PTPRF: variants seen among roughly 807,000 people sequenced by gnomAD.
PTPRF encodes receptor-type tyrosine-protein phosphatase F.
PTPRF carries 59 observed loss-of-function variants against 201.8 expected under a neutral mutation model. The ratio of observed to expected loss-of-function variants is 0.29; its 90% CI spans 0.24 to 0.36. The LOEUF (loss-of-function observed/expected upper bound fraction) is 0.36, where lower values mean the gene tolerates loss of function less well. Ranked by LOEUF, PTPRF falls within the 10% of genes least tolerant of loss-of-function variation. PTPRF has a pLI of 1.00. For missense variants in PTPRF, 2,132 were observed against 2,690.5 expected, an observed-to-expected ratio of 0.79 and a Z score of 4.59; for synonymous variants, 1,088 against 1,089.7, an observed-to-expected ratio of 1.00 and a Z score of 0.03.
chr1:43,620,077 G>A lies in PTPRF; in HGVS notation c.5112-18G>A. 6.2e-7 allele frequency: 1 copy of A among 1,613,838 alleles called. No individual in the cohort carries two copies. ...GGCAGCAGCACCTCCAGCATGTCCA[G>A]TCTTATGTCCACCCCAGACAGCAGA... On this transcript the variant is annotated intron_variant, in intron 29 of 33. Coordinates refer to ENST00000359947, the MANE Select transcript of PTPRF (RefSeq NM_002840.5).
At position 43,602,567 on chromosome 1, in the gene PTPRF, TCAAG is replaced by T. The variant is rs550863400; in HGVS notation, c.2340+471_2340+474del. Among the ~76,000 whole-genome samples the T allele has an allele frequency of 2.7e-3, 412 of 152,246 alleles. 3 individuals are homozygous for T. The highest frequency in any genetic ancestry group is 9.7e-3 in the African/African-American group (401 of 41,542). ...GTGGTGGCAGCTGCAGGGGCCCCAC[TCAAG>T]GCCAGAGCTGGAGGGATACCAGGGT... On this transcript the variant is annotated intron_variant, in intron 14 of 33. Transcript: ENST00000359947.
At chr1:43,559,117 C>T (rs1048679289) in intron 5 of PTPRF, among the ~76,000 whole-genome samples, 2 of 152,164 alleles carry the variant, frequency 1.3e-5, no homozygotes, top group African/African-American at 4.8e-5. Context: ...GTGCACTGTT[C>T]GTGTGGTGTG....
Position 43,622,446 on chromosome 1 carries a change from G to T in PTPRF, c.*443G>T, listed in dbSNP as rs867714450. ...TAGGGGTTGGGGTTTATTTTGTTTTGTTTTTTTTTTTCTTGAGTTCACTTT... is the reference window on the plus strand; with the variant it reads ...TAGGGGTTGGGGTTTATTTTGTTTTTTTTTTTTTTTTCTTGAGTTCACTTT... On this transcript the variant is annotated 3_prime_UTR_variant, in exon 34 of 34. Transcript: ENST00000359947. The T allele has an allele frequency of 2.3e-4, 35 of 151,724 alleles. No individual in the cohort carries two copies. Among genetic ancestry groups the T allele is most frequent in the Admixed American group, 4.0e-4 (6 of 15,074 alleles). The allele number at this position is 151,724 out of a possible 1,614,324, so 9.4% of individuals were successfully genotyped here.
chr1:43,570,766 C>T lies in PTPRF; in HGVS notation c.568+988C>T, dbSNP rs868169815. 2.6e-5 allele frequency among the ~76,000 whole-genome samples: 4 copies of T among 152,272 alleles called. No homozygotes were observed. The South Asian group carries it at 6.2e-4, about 24-fold the overall frequency. On this transcript the variant is annotated intron_variant, in intron 6 of 33. Coordinates refer to ENST00000359947, the MANE Select transcript of PTPRF (RefSeq NM_002840.5). Reference sequence around the variant, plus strand: ...CAGGGCAAGATTCTGGCCCCAGCCACGGCCGCCTGAGACAGCCCACGAAGT... The same window carrying T: ...CAGGGCAAGATTCTGGCCCCAGCCATGGCCGCCTGAGACAGCCCACGAAGT...
intron 5 of PTPRF, among the ~76,000 whole-genome samples, chr1:43,568,401 T>C (rs1646336149): frequency 6.6e-6 from 1 of 152,160 alleles, no homozygotes; most frequent in South Asian, 2.1e-4. Context: ...TCTCAATACC[T>C]GTCTGCCCCA....
At chr1:43,593,248 T>A (rs866431892) in intron 11 of PTPRF, among the ~76,000 whole-genome samples, 4 of 152,078 alleles carry the variant, frequency 2.6e-5, no homozygotes, top group South Asian at 2.1e-4. Context: ...GCTGTGGGAG[T>A]GGCACTGCCC....
chr1:43,605,549 T>C lies in PTPRF; in HGVS notation c.3410T>C (p.Val1137Ala), dbSNP rs1449609779. The C allele has an allele frequency of 6.2e-7, 1 of 1,613,968 alleles. No homozygotes were observed. Among genetic ancestry groups the C allele is most frequent in the Non-Finnish European group, 8.5e-7 (1 of 1,179,996 alleles). ...SLVRWFYIVV[V>A]PIDRVGGSML... ...CCCAGGTGGTTCTACATTGTTGTGGTGCCCATTGACCGTGTGGGCGGGAGC... is the reference window on the plus strand; with the variant it reads ...CCCAGGTGGTTCTACATTGTTGTGGCGCCCATTGACCGTGTGGGCGGGAGC... Residue 1137 changes from valine to alanine, a missense_variant, in exon 19 of 34, where the codon GTG becomes GCG. Physicochemically the swap from Val to Ala is moderately conservative, Grantham distance 64. Coordinates refer to ENST00000359947, the MANE Select transcript of PTPRF (RefSeq NM_002840.5).
intron 22 of PTPRF, among the ~76,000 whole-genome samples, chr1:43,611,482 AG>A (rs1656435273): frequency 6.6e-6 from 1 of 152,212 alleles, no homozygotes; most frequent in Admixed American, 6.5e-5. Flanking sequence ...CTGAGCCAAG[AG>A]AAGACTGGAG....
intron 3 of PTPRF, among the ~76,000 whole-genome samples, chr1:43,550,392 G>A (rs916818424): frequency 4.2e-5 from 6 of 143,986 alleles, no homozygotes; most frequent in East Asian, 2.4e-4. Flanking sequence ...CGGCCATTCC[G>A]GTTCAGCCGG....
At chr1:43,592,642 G>A (rs777258427) in intron 11 of PTPRF, 41 bp downstream of exon 11, 7 of 1,539,728 alleles carry the variant, frequency 4.5e-6, no homozygotes, top group Non-Finnish European at 6.1e-6. Flanking sequence ...CACCTGGGCT[G>A]GGACACACAC....
intron 5 of PTPRF, among the ~76,000 whole-genome samples, chr1:43,566,752 G>A (rs891094198): frequency 1.3e-5 from 2 of 152,092 alleles, no homozygotes; most frequent in African/African-American, 2.4e-5. Flanking sequence ...TTCCCTTCCC[G>A]GGTGGCAGAG....
intron 13 of PTPRF, among the ~76,000 whole-genome samples, chr1:43,599,650 G>A (rs1390860257): frequency 6.6e-6 from 1 of 152,214 alleles, no homozygotes; most frequent in Non-Finnish European, 1.5e-5. Context: ...TTCCTGGGAG[G>A]ATGGTCCTGC....
At chr1:43,596,160 T>C (rs1214979150) in intron 11 of PTPRF, among the ~76,000 whole-genome samples, 9 of 152,092 alleles carry the variant, frequency 5.9e-5, no homozygotes, top group South Asian at 2.1e-4. Flanking sequence ...AAGGACAAGG[T>C]TGATGGACAG....
At chr1:43,619,235 G>T (rs1254470534) in intron 27 of PTPRF, 33 bp downstream of exon 27, 4 of 1,606,172 alleles carry the variant, frequency 2.5e-6, no homozygotes, top group Non-Finnish European at 3.4e-6. Flanking sequence ...AGAGGGGTGG[G>T]TGGGGTGGGA....
At chr1:43,569,163 C>G (rs60401756) in intron 5 of PTPRF, among the ~76,000 whole-genome samples, 3,877 of 152,098 alleles carry the variant, frequency 0.025, 171 homozygotes, top group African/African-American at 0.09. Context: ...GGCTGGACAG[C>G]ACAGAGGCCT....
At chr1:43,598,389 T>TG (rs1183041462) in intron 12 of PTPRF, 2 of 457,268 alleles carry the variant, frequency 4.4e-6, no homozygotes, top group Non-Finnish European at 7.7e-6. Context: ...TTGGCATGAT[T>TG]GGGGCCTAGG....
chr1:43,615,528 C>T (rs1657549071), intron 23 of PTPRF, among the ~76,000 whole-genome samples: 1 of 149,748 alleles, frequency 6.7e-6, no homozygotes, highest in South Asian at 2.1e-4. Flanking sequence ...TCTCCCTCAG[C>T]CAGGACCCCA....
Position 43,617,889 on chromosome 1 carries a change from C to T in PTPRF, c.4349C>T (p.Thr1450Ile). The change falls in exon 25 of 34, where the codon ACA (threonine) becomes ATA (isoleucine). Residue 1450 changes from threonine to isoleucine, a missense_variant. Thr to Ile is a moderately conservative substitution (Grantham distance 89, BLOSUM62 -1). Coordinates refer to ENST00000359947, the MANE Select transcript of PTPRF (RefSeq NM_002840.5). Reference protein sequence around the residue: ...EQRTATVVMMTRLEEKSRVKC... With the variant: ...EQRTATVVMMIRLEEKSRVKC... ...CGCACGGCCACTGTGGTCATGATGA[C>T]ACGGCTGGAGGAGAAGTCCCGGGTG... is the stretch of plus-strand genomic sequence containing the variant. The T allele has an allele frequency of 6.2e-7, 1 of 1,611,088 alleles. No homozygotes were observed. The highest frequency in any genetic ancestry group is 8.5e-7 in the Non-Finnish European group (1 of 1,177,700).
chr1:43,575,885 A>G (rs748596242), intron 6 of PTPRF: 7 of 1,358,230 alleles, frequency 5.2e-6, no homozygotes, highest in Admixed American at 3.9e-5. Flanking sequence ...CTCTGATCTT[A>G]TTTGCATTCA....
Sources: gnomAD v4.1 joint callset for allele counts (sites outside exome capture counted in the v4.1 genomes callset) on GRCh38, gnomAD v4.1.1 for gene constraint, MANE v1.5 for transcripts, NCBI Gene and HGNC (gene_info 2026-07-23, HGNC 2026-07-21) for gene names.